CD36: variants seen among roughly 807,000 people sequenced by gnomAD.
CD36 encodes the protein CD36 molecule (CD36 blood group).
In CD36, 119 loss-of-function variants were observed where a neutral mutation model predicts 55.2. That is an observed-to-expected ratio of 2.15 (90% confidence interval 1.86 to 2.51). The LOEUF is 2.51. Among genes scored for constraint, CD36 ranks in the 30% most tolerant of loss-of-function variants. The probability of loss-of-function intolerance (pLI) is 0.00; values close to 1 mark genes in which losing one functional copy is unlikely to be tolerated. For synonymous variants in CD36, 186 were observed against 193.6 expected (o/e 0.96, Z 0.33); for missense variants, 819 against 555.5 (o/e 1.47, Z -4.77).
At chr7:80,618,111 A>G (rs1157275983) in intron 1 of CD36, among the ~76,000 whole-genome samples, 2 of 152,066 alleles carry the variant, frequency 1.3e-5, no homozygotes, top group African/African-American at 2.4e-5. Context: ...AGTGTGATAT[A>G]TATATTTAGA....
chr7:80,646,548 T>G (rs747702623), intron 2 of CD36, 104 bp from the exon 3 acceptor site: 1 of 653,018 alleles, frequency 1.5e-6, no homozygotes, highest in Non-Finnish European at 2.6e-6. Context: ...ATTTGTTTAT[T>G]TAGAACGGGC....
At chr7:80,671,356 C>T (rs759069366) in intron 10 of CD36, among the ~76,000 whole-genome samples, 192 bp downstream of exon 10, 11 of 151,992 alleles carry the variant, frequency 7.2e-5, no homozygotes, top group Non-Finnish European at 1.5e-4. Flanking sequence ...GTAATTAGGG[C>T]AGAAGAAAGA....
At chr7:80,630,199 C>G (rs964447990) in intron 1 of CD36, among the ~76,000 whole-genome samples, 1 of 151,998 alleles carries the variant, frequency 6.6e-6, no homozygotes, top group East Asian at 1.9e-4. Context: ...GCAGACCCAT[C>G]ATTGTGTGTC....
chr7:80,602,878 A>G (rs1359206987), intron 1 of CD36, among the ~76,000 whole-genome samples: 2 of 152,206 alleles, frequency 1.3e-5, no homozygotes, highest in African/African-American at 4.8e-5. Flanking sequence ...ACCTTCTTTC[A>G]TGGAACTCTG....
chr7:80,634,101 T>G (rs1201866187), upstream of CD36, among the ~76,000 whole-genome samples: 1 of 152,034 alleles, frequency 6.6e-6, no homozygotes, highest in Non-Finnish European at 1.5e-5. Flanking sequence ...CTTCAGTCAG[T>G]CAGTTTGGGT....
At position 80,654,430 on chromosome 7, in the gene CD36, AAT is replaced by A. The variant is rs576915192; in HGVS notation, c.121-2108_121-2107del. Among the ~76,000 whole-genome samples the A allele has an allele frequency of 1.1e-3, 168 of 152,278 alleles. 1 individual carries two copies. The highest frequency in any genetic ancestry group is 4.0e-3 in the African/African-American group (165 of 41,564). The stretch of plus-strand genomic sequence containing the variant: ...TATTGTTTTTGAGCATTAAGATTCT[AAT>A]AGTGTGAGGAGAATAATGTTTGTGT... On this transcript the variant is annotated intron_variant, in intron 3 of 14. Coordinates refer to ENST00000447544, the MANE Select transcript of CD36 (RefSeq NM_001001548.3).
chr7:80,670,964 T>C lies in CD36; in HGVS notation c.819-13T>C, dbSNP rs1299297251. 1 of 1,596,878 alleles carries C rather than the reference T, an allele frequency of 6.3e-7. No homozygotes were observed. The highest frequency in any genetic ancestry group is 8.6e-7 in the Non-Finnish European group (1 of 1,165,080). ...AGGTTCCTGGAATGCAGCTCTTTTT[T>C]CTCTGTATTTAGGTCAATCTATGCT... On this transcript the variant is annotated splice_polypyrimidine_tract_variant and intron_variant, in intron 9 of 14. Coordinates refer to ENST00000447544, the MANE Select transcript of CD36 (RefSeq NM_001001548.3).
intron 1 of CD36, among the ~76,000 whole-genome samples, chr7:80,621,136 T>G (rs529737269): frequency 6.6e-6 from 1 of 152,290 alleles, no homozygotes; most frequent in Admixed American, 6.5e-5. Context: ...GCAAAAAGAT[T>G]ATTATAATTG....
chr7:80,604,584 C>CTA (rs1049977579), intron 1 of CD36, among the ~76,000 whole-genome samples: 23 of 151,172 alleles, frequency 1.5e-4, no homozygotes, highest in Non-Finnish European at 1.6e-4. Flanking sequence ...CACACAAACA[C>CTA]TATAGTACAA....
intron 6 of CD36, among the ~76,000 whole-genome samples, chr7:80,664,084 T>C (rs572559956): frequency 1.8e-3 from 277 of 152,278 alleles, no homozygotes; most frequent in African/African-American, 6.6e-3. Flanking sequence ...GAAATCATTG[T>C]TCTTATAGGT....
rs779663676 is a variant in CD36 at position 80,669,963 on chromosome 7, A to C, written c.759A>C (p.Ser253=). Reference sequence around the variant, plus strand: ...TCGATTTTTAAACAGATGCAGCCTCATTTCCACCTTTTGTTGAGAAAAGCC... The same window carrying C: ...TCGATTTTTAAACAGATGCAGCCTCCTTTCCACCTTTTGTTGAGAAAAGCC... ...CDMINGTDAA[S]FPPFVEKSQV... is the part of the protein sequence containing the mutation. The change falls in exon 9 of 15, where the codon TCA becomes TCC. Residue 253 remains serine (S), a synonymous_variant. Coordinates refer to ENST00000447544, the MANE Select transcript of CD36 (RefSeq NM_001001548.3). The C allele has an allele frequency of 5.0e-6, 8 of 1,611,958 alleles. No homozygotes were observed. The highest frequency in any genetic ancestry group is 1.6e-4 in the Middle Eastern group (1 of 6,078).
chr7:80,613,696 G>C (rs543087596), intron 1 of CD36, among the ~76,000 whole-genome samples: 2 of 152,088 alleles, frequency 1.3e-5, no homozygotes, highest in African/African-American at 2.4e-5. Flanking sequence ...AGGGGCCTAA[G>C]AGATGGGGTT....
intron 4 of CD36, among the ~76,000 whole-genome samples, 168 bp downstream of exon 4, chr7:80,656,868 A>C (rs1562802421): frequency 6.6e-6 from 1 of 152,136 alleles, no homozygotes; most frequent in Non-Finnish European, 1.5e-5. Context: ...CTAAGAATTT[A>C]ATGATTATAA....
At chr7:80,636,779 A>T (rs1562784202), upstream of CD36, 1 of 152,088 alleles carries the variant, frequency 6.6e-6, no homozygotes, top group African/African-American at 2.4e-5. Context: ...TTTAAGGTCT[A>T]TATTTTTCTA....
intron 8 of CD36, 44 bp downstream of exon 8, chr7:80,666,533 C>T (rs1341887312): frequency 7.0e-7 from 1 of 1,419,098 alleles, no homozygotes; most frequent in South Asian, 1.1e-5. Flanking sequence ...ATCCACCTCC[C>T]TTTCCCACAA....
intron 4 of CD36, among the ~76,000 whole-genome samples, chr7:80,659,598 C>G (rs1796366534): frequency 6.6e-6 from 1 of 152,068 alleles, no homozygotes; most frequent in African/African-American, 2.4e-5. Context: ...TAATTATGTT[C>G]CCTTTTTAAA....
At chr7:80,660,935 A>G in intron 4 of CD36, 128 bp from the exon 5 acceptor site, 3 of 758,112 alleles carry the variant, frequency 4.0e-6, no homozygotes, top group East Asian at 2.6e-5. Context: ...TTTTAACACC[A>G]TTGCTTACAT....
At chr7:80,636,293 C>A (rs1196735047), upstream of CD36, among the ~76,000 whole-genome samples, 1 of 151,978 alleles carries the variant, frequency 6.6e-6, no homozygotes, top group Non-Finnish European at 1.5e-5. Flanking sequence ...TATTATTACT[C>A]TTTTATTTAG....
upstream of CD36, among the ~76,000 whole-genome samples, chr7:80,636,055 T>TC (rs1293049110): frequency 6.6e-6 from 1 of 151,804 alleles, no homozygotes; most frequent in Non-Finnish European, 1.5e-5. Flanking sequence ...CAGACAAGCA[T>TC]CCCCCTCTGC....
Sources: gnomAD v4.1 joint callset for allele counts (sites outside exome capture counted in the v4.1 genomes callset) on GRCh38, gnomAD v4.1.1 for gene constraint, MANE v1.5 for transcripts, NCBI Gene and HGNC (gene_info 2026-07-23, HGNC 2026-07-21) for gene names.